The following VEPH1 variants were observed in gnomAD, a reference collection of about 807,000 sequenced individuals.
The protein encoded by VEPH1 is ventricular zone-expressed PH domain-containing protein homolog 1.
Under a neutral mutation model 85.2 loss-of-function variants are expected in VEPH1, and 80 were observed. The observed-to-expected ratio is 0.94, with a 90% confidence interval of 0.78 to 1.13. The LOEUF (loss-of-function observed/expected upper bound fraction) is 1.13. Among genes scored for constraint, VEPH1 ranks in the 50% most tolerant of loss-of-function variants. The pLI is 0.00. For synonymous variants in VEPH1, 297 were observed against 348.0 expected, an observed-to-expected ratio of 0.85 and a Z score of 1.63; for missense variants, 955 against 980.5, an observed-to-expected ratio of 0.97 and a Z score of 0.35.
chr3:157,319,747 GT>G (rs1331175667), intron 9 of VEPH1, among the ~76,000 whole-genome samples: 1 of 152,024 alleles, frequency 6.6e-6, no homozygotes, highest in Non-Finnish European at 1.5e-5. Context: ...GCCAATTCAT[GT>G]TTTCTTTTGA....
chr3:157,351,119 G>C (rs1724821634), intron 9 of VEPH1, among the ~76,000 whole-genome samples: 2 of 151,940 alleles, frequency 1.3e-5, no homozygotes, highest in Admixed American at 6.6e-5. Flanking sequence ...AATCAACCCG[G>C]GTCCCCCAAA....
Position 157,272,726 on chromosome 3 carries a change from G to T in VEPH1, c.2129-7064C>A, listed in dbSNP as rs9815873. ...AATCTGCCCACCTTAGCTTCCCAAA[G>T]TTCTGGGATTACAGGCATGAGCCCC... On this transcript the variant is annotated intron_variant, in intron 12 of 13. Coordinates refer to ENST00000362010, the MANE Select transcript of VEPH1 (RefSeq NM_001167912.2). Among the ~76,000 whole-genome samples, 748 of 152,174 alleles carry T rather than the reference G, an allele frequency of 4.9e-3. 9 individuals carry two copies. Among genetic ancestry groups the T allele is most frequent in the African/African-American group, 0.017 (713 of 41,518 alleles).
At chr3:157,273,603 T>C (rs12633429) in intron 12 of VEPH1, among the ~76,000 whole-genome samples, 33,795 of 152,090 alleles carry the variant, frequency 0.22, 4,611 homozygotes, top group Admixed American at 0.42. Context: ...AAATGCATTC[T>C]AGGAACTGTA....
At chr3:157,343,423 A>C (rs1301355385) in intron 9 of VEPH1, among the ~76,000 whole-genome samples, 6 of 152,092 alleles carry the variant, frequency 3.9e-5, no homozygotes, top group African/African-American at 7.2e-5. Context: ...ACTAGAAAAT[A>C]TAGAAGAAAT....
intron 12 of VEPH1, among the ~76,000 whole-genome samples, chr3:157,273,751 A>C (rs1376082378): frequency 6.6e-6 from 1 of 152,220 alleles, no homozygotes; most frequent in African/African-American, 2.4e-5. Context: ...AATGAAAAAA[A>C]GCTTGTATAG....
Position 157,489,649 on chromosome 3 carries a change from A to G in VEPH1, c.138+5563T>C, listed in dbSNP as rs1385064280. Among the ~76,000 whole-genome samples the G allele has an allele frequency of 2.6e-5, 4 of 151,690 alleles. No homozygotes were observed. The East Asian group carries it at 7.7e-4, about 29-fold the overall frequency. ...TACTTATAATCTTCTAATACACTAC[A>G]TATCTTCCTTATTTATTTGTTTATT... On this transcript the variant is annotated intron_variant, in intron 2 of 13. Transcript: ENST00000362010.
chr3:157,437,081 G>C, intron 4 of VEPH1: 1 of 1,612,290 alleles, frequency 6.2e-7, no homozygotes, highest in Non-Finnish European at 8.5e-7. Context: ...CACTTTAACT[G>C]TTTCTCTGCT....
In VEPH1 at chr3:157,261,038, A is replaced by T. The variant is rs985126840; in HGVS notation, c.*96T>A. ...CAATTCCATTGGTATTTAGTAAAAAACAACATGGCTTGGTAAATTTAGCTC... is the reference window on the plus strand; with the variant it reads ...CAATTCCATTGGTATTTAGTAAAAATCAACATGGCTTGGTAAATTTAGCTC... On this transcript the variant is annotated 3_prime_UTR_variant, in exon 14 of 14. Coordinates refer to ENST00000362010, the MANE Select transcript of VEPH1 (RefSeq NM_001167912.2). The T allele has an allele frequency of 6.6e-7, 1 of 1,515,626 alleles. No individual in the cohort carries two copies. The highest frequency in any genetic ancestry group is 2.0e-5 in the Admixed American group (1 of 49,314). The allele number at this position is 1,515,626 out of a possible 1,614,324, so 93.9% of individuals were successfully genotyped here.
intron 9 of VEPH1, 87 bp from the exon 10 acceptor site, chr3:157,317,288 T>C: frequency 7.9e-7 from 1 of 1,272,124 alleles, no homozygotes; most frequent in Non-Finnish European, 1.0e-6. Flanking sequence ...AATGCCTTTA[T>C]AAAATATCCT....
At position 157,451,121 on chromosome 3, in the gene VEPH1, T is replaced by C. The variant is rs138080604; in HGVS notation, c.529+9060A>G. Among the ~76,000 whole-genome samples, 167 of 152,378 alleles carry C rather than the reference T, an allele frequency of 1.1e-3. 1 individual carries two copies. Among genetic ancestry groups the C allele is most frequent in the African/African-American group, 3.0e-3 (126 of 41,602 alleles). ...TAGAATAAGGTGGAGAATGTTTTTC[T>C]GTTTCAGTTATCTGGGAAAGTTTTA... is the stretch of plus-strand genomic sequence containing the variant. On this transcript the variant is annotated intron_variant, in intron 4 of 13. Coordinates refer to ENST00000362010, the MANE Select transcript of VEPH1 (RefSeq NM_001167912.2).
chr3:157,263,583 C>CT (rs1381027970), intron 13 of VEPH1, among the ~76,000 whole-genome samples: 1 of 152,096 alleles, frequency 6.6e-6, no homozygotes, highest in Non-Finnish European at 1.5e-5. Context: ...AAAAAAATTT[C>CT]TTTAAGTTTC....
At chr3:157,368,648 T>C (rs1727027979) in intron 7 of VEPH1, among the ~76,000 whole-genome samples, 1 of 151,984 alleles carries the variant, frequency 6.6e-6, no homozygotes, top group African/African-American at 2.4e-5. Flanking sequence ...CCCGCCACCA[T>C]GCCCGGCTAA....
At chr3:157,343,764 C>T (rs1270850627) in intron 9 of VEPH1, among the ~76,000 whole-genome samples, 12 of 152,010 alleles carry the variant, frequency 7.9e-5, no homozygotes, top group Admixed American at 3.9e-4. Flanking sequence ...TGAACATCGA[C>T]GCAAAAATCC....
At chr3:157,409,634 G>C (rs775886865) in intron 6 of VEPH1, 1 of 985,382 alleles carries the variant, frequency 1.0e-6, no homozygotes. Context: ...ATGTAATATA[G>C]ATGGAAAAAT....
At chr3:157,468,826 A>G (rs1384783697) in intron 3 of VEPH1, among the ~76,000 whole-genome samples, 1 of 152,090 alleles carries the variant, frequency 6.6e-6, no homozygotes, top group Non-Finnish European at 1.5e-5. Flanking sequence ...TTAAGTGTAC[A>G]GTTCAGTGGT....
In VEPH1 at chr3:157,288,631, T is replaced by G. The variant is rs138183202; in HGVS notation, c.2011-1957A>C. On this transcript the variant is annotated intron_variant, in intron 11 of 13. Coordinates refer to ENST00000362010, the MANE Select transcript of VEPH1 (RefSeq NM_001167912.2). ...AGATAGTACAAAAAGTTAAAGGGAA[T>G]TTTTAAAGAGAACATTTACACTCCC... Among the ~76,000 whole-genome samples, 1,135 of 152,316 alleles carry G rather than the reference T, an allele frequency of 7.5e-3. 16 individuals are homozygous for G. The highest frequency in any genetic ancestry group is 9.6e-3 in the Non-Finnish European group (650 of 68,028).
intron 2 of VEPH1, among the ~76,000 whole-genome samples, chr3:157,479,978 T>G (rs1471307419): frequency 1.3e-5 from 2 of 152,088 alleles, no homozygotes; most frequent in Non-Finnish European, 2.9e-5. Context: ...CTTTCTTTCT[T>G]TTTCTTTTCA....
At chr3:157,467,518 A>G (rs533170354) in intron 3 of VEPH1, among the ~76,000 whole-genome samples, 77 of 152,318 alleles carry the variant, frequency 5.1e-4, no homozygotes, top group African/African-American at 1.8e-3. Flanking sequence ...CAAGCCAAAA[A>G]TTTCCCTTTA....
At chr3:157,276,550 A>C (rs1478961209) in intron 12 of VEPH1, among the ~76,000 whole-genome samples, 1 of 152,238 alleles carries the variant, frequency 6.6e-6, no homozygotes, top group Non-Finnish European at 1.5e-5. Flanking sequence ...TATACGAAAG[A>C]GTAAAACTGC....
Sources: allele counts gnomAD v4.1 joint callset (sites outside exome capture counted in the v4.1 genomes callset), GRCh38; gene constraint gnomAD v4.1.1; transcripts MANE v1.5; gene names NCBI Gene and HGNC (gene_info 2026-07-23, HGNC 2026-07-21).